Variants in EFHD1 observed in about 807,000 individuals in gnomAD.
EFHD1 encodes EF-hand domain-containing protein D1.
A neutral mutation model predicts 17.2 loss-of-function variants in EFHD1; 10 were observed. The ratio of observed to expected loss-of-function variants is 0.58; its 90% CI spans 0.36 to 0.99. EFHD1 has a LOEUF of 0.99. Among genes scored for constraint, EFHD1 ranks in the 50% least tolerant of loss-of-function variants. The pLI, the probability that EFHD1 is intolerant of heterozygous loss-of-function variation, is 0.01. For missense variants in EFHD1, 310 were observed against 327.5 expected, an observed-to-expected ratio of 0.95 and a Z score of 0.41; for synonymous variants, 153 against 142.0, an observed-to-expected ratio of 1.08 and a Z score of -0.55.
At chr2:232,670,102 TA>T (rs1559355660) in intron 2 of EFHD1, among the ~76,000 whole-genome samples, 1 of 151,984 alleles carries the variant, frequency 6.6e-6, no homozygotes, top group African/African-American at 2.4e-5. Context: ...AGAAGAGAAC[TA>T]AAAAAGCCAC....
intron 1 of EFHD1, among the ~76,000 whole-genome samples, chr2:232,647,365 G>A (rs946809813): frequency 2.0e-5 from 3 of 152,236 alleles, no homozygotes; most frequent in African/African-American, 4.8e-5. Flanking sequence ...GTCCGCTTGC[G>A]TTGGGCTGGC....
intron 3 of EFHD1, among the ~76,000 whole-genome samples, chr2:232,675,187 A>AAG (rs112446492): frequency 6.8e-6 from 1 of 146,878 alleles, no homozygotes; most frequent in African/African-American, 2.5e-5. Flanking sequence ...AAAGAAAAAA[A>AAG]AGAGAGAGAG....
At chr2:232,654,404 TTTTC>T (rs1203213941) in intron 1 of EFHD1, among the ~76,000 whole-genome samples, 6 of 143,356 alleles carry the variant, frequency 4.2e-5, no homozygotes, top group Non-Finnish European at 6.1e-5. Context: ...ATGACTTTTC[TTTTC>T]TTTCTTTCTT....
chr2:232,676,532 T>A (rs1214516752), intron 3 of EFHD1, among the ~76,000 whole-genome samples: 1 of 152,154 alleles, frequency 6.6e-6, no homozygotes, highest in Non-Finnish European at 1.5e-5. Context: ...AACGCTGGAA[T>A]ATCATTATCT....
At chr2:232,629,253 A>C (rs948107706), upstream of EFHD1, among the ~76,000 whole-genome samples, 1 of 152,186 alleles carries the variant, frequency 6.6e-6, no homozygotes, top group Non-Finnish European at 1.5e-5. Flanking sequence ...GAGTGAAAAC[A>C]ATGATTTTAT....
At position 232,619,296 on chromosome 2, in the gene EFHD1, ATTTC is replaced by A. The variant is rs200384266; in HGVS notation, c.14+13139_14+13142del. Among the ~76,000 whole-genome samples, 443 of 113,674 alleles carry A rather than the reference ATTTC, an allele frequency of 3.9e-3. 5 individuals carry two copies. The highest frequency in any genetic ancestry group is 0.013 in the African/African-American group (425 of 31,720). The allele number at this position is 113,674 out of a possible 152,430, so 74.6% of individuals were successfully genotyped here. A position where few individuals can be genotyped will look rare whatever the true frequency, so the allele number is the denominator to read the frequency against. ...TGGGAGGAGGGGGAAATAAAGGGTG[ATTTC>A]TTTCTTTCTTTCTTTTTTTTTTTTT... On this transcript the variant is annotated intron_variant, in intron 1 of 3. Transcript: ENST00000409613.
At chr2:232,681,300 C>T (rs969607394) in intron 3 of EFHD1, among the ~76,000 whole-genome samples, 3 of 152,004 alleles carry the variant, frequency 2.0e-5, no homozygotes, top group Admixed American at 6.6e-5. Flanking sequence ...GGATGTTAAA[C>T]TGTATCCTGA....
intron 1 of EFHD1, among the ~76,000 whole-genome samples, chr2:232,623,538 G>A (rs1352219612): frequency 1.3e-5 from 2 of 151,806 alleles, no homozygotes; most frequent in East Asian, 3.9e-4. Context: ...GCCAGGTGTG[G>A]TGGCAGGTGC....
intron 1 of EFHD1, among the ~76,000 whole-genome samples, chr2:232,623,681 AAAAAAAAAAAAAAGAAGAAG>A (rs1694056812): frequency 8.2e-6 from 1 of 121,820 alleles, no homozygotes; most frequent in Admixed American, 9.1e-5. Flanking sequence ...TCCAAAAAAA[AAAAAAAAAAAAAAGAAGAAG>A]AAGAAGAAGA....
intron 1 of EFHD1, among the ~76,000 whole-genome samples, chr2:232,648,510 T>G (rs1694575089): frequency 6.6e-6 from 1 of 151,930 alleles, no homozygotes. Flanking sequence ...CAGGCAGGGA[T>G]GTAGGGAGAG....
chr2:232,680,455 T>C (rs1695257388), intron 3 of EFHD1, among the ~76,000 whole-genome samples: 2 of 152,126 alleles, frequency 1.3e-5, no homozygotes, highest in African/African-American at 4.8e-5. Flanking sequence ...AACAAAAACA[T>C]GTAATATCTA....
chr2:232,669,392 A>G (rs1695026844), intron 2 of EFHD1, among the ~76,000 whole-genome samples: 1 of 152,188 alleles, frequency 6.6e-6, no homozygotes, highest in South Asian at 2.1e-4. Context: ...CGGTAGCGTT[A>G]GGACCCTGAA....
At chr2:232,617,477 G>A (rs578102553) in intron 1 of EFHD1, among the ~76,000 whole-genome samples, 25 of 143,600 alleles carry the variant, frequency 1.7e-4, no homozygotes, top group African/African-American at 5.1e-4. Flanking sequence ...GCGAAACCCC[G>A]TCTTTACTAA....
intron 2 of EFHD1, among the ~76,000 whole-genome samples, chr2:232,666,078 C>T (rs533881035): frequency 6.6e-6 from 1 of 152,346 alleles, no homozygotes; most frequent in African/African-American, 2.4e-5. Flanking sequence ...GAACTGGCAG[C>T]CACAAGCCCC....
chr2:232,677,243 T>TACACACACACACACACAC lies in EFHD1; in HGVS notation c.586-4331_586-4330insCACACACACACACACACA, dbSNP rs569120803. Among the ~76,000 whole-genome samples the TACACACACACACACACAC allele has an allele frequency of 2.8e-3, 273 of 99,258 alleles. 1 individual carries two copies. Among genetic ancestry groups the TACACACACACACACACAC allele is most frequent in the Middle Eastern group, 5.4e-3 (1 of 184 alleles). The allele number at this position is 99,258 out of a possible 152,430, so 65.1% of individuals were successfully genotyped here. A position where few individuals can be genotyped will look rare whatever the true frequency, so the allele number is the denominator to read the frequency against. On this transcript the variant is annotated intron_variant, in intron 3 of 3. Transcript: ENST00000264059. ...ACACACACACACACACACACACACG[T>TACACACACACACACACAC]ACACACACACATCTTTCTATAACAC...
rs1419409875 is a variant in EFHD1 at position 232,633,846 on chromosome 2, A to G, written c.142A>G (p.Thr48Ala). ...GCCCGAGCCTCCCGCCCGTGCGCCCACGGCCAGCGCCGACGCGGAGCTGAG... is the reference window on the plus strand; with the variant it reads ...GCCCGAGCCTCCCGCCCGTGCGCCCGCGGCCAGCGCCGACGCGGAGCTGAG... The part of the protein sequence containing the change: ...PEPEPPARAP[T>A]ASADAELSAQ... Residue 48 changes from threonine (T) to alanine (A), a missense_variant, in exon 1 of 4, where the codon ACG (threonine) becomes GCG (alanine). Thr to Ala is a moderately conservative substitution (Grantham distance 58). Coordinates refer to ENST00000264059, the MANE Select transcript of EFHD1 (RefSeq NM_025202.4). The G allele has an allele frequency of 9.4e-6, 14 of 1,494,528 alleles. No individual in the cohort carries two copies. Among genetic ancestry groups the G allele is most frequent in the African/African-American group, 1.5e-5 (1 of 68,628 alleles). 92.6% of individuals were successfully genotyped at this position (1,494,528 alleles called of 1,614,324 possible).
chr2:232,624,746 T>C (rs76159143), intron 1 of EFHD1, among the ~76,000 whole-genome samples: 3,091 of 152,316 alleles, frequency 0.02, 107 homozygotes, highest in East Asian at 0.076. Flanking sequence ...TTGAGGGCTA[T>C]CTAGAAACAT....
chr2:232,608,695 C>G (rs1475073674), intron 1 of EFHD1, among the ~76,000 whole-genome samples: 1 of 151,964 alleles, frequency 6.6e-6, no homozygotes. Context: ...CTTTGAGAGG[C>G]GGAGGCGGGC....
chr2:232,638,551 T>C (rs1173079392), intron 1 of EFHD1: 1 of 445,356 alleles, frequency 2.2e-6, no homozygotes. Context: ...TTCTCCTCCT[T>C]AGTCTTGTCT....
Sources: allele counts gnomAD v4.1 joint callset (sites outside exome capture counted in the v4.1 genomes callset), GRCh38; gene constraint gnomAD v4.1.1; transcripts MANE v1.5; gene names NCBI Gene and HGNC (gene_info 2026-07-23, HGNC 2026-07-21).